The following CSMD1 variants were observed in gnomAD, a reference collection of about 807,000 sequenced individuals.
CSMD1 encodes the protein CUB and sushi domain-containing protein 1.
A neutral mutation model predicts 417.5 loss-of-function variants in CSMD1; 213 were observed. That is an observed-to-expected ratio of 0.51 (90% CI 0.46 to 0.57). CSMD1 has a LOEUF of 0.57. Among genes scored for constraint, CSMD1 ranks in the 20% least tolerant of loss-of-function variants. CSMD1 has a pLI of 0.00. For missense variants in CSMD1, 6,923 were observed against 4,529.7 expected, an observed-to-expected ratio of 1.53 and a Z score of -15.17; for synonymous variants, 2,862 against 1,736.8, an observed-to-expected ratio of 1.65 and a Z score of -16.11.
At chr8:3,103,378 G>A (rs1015666219) in intron 46 of CSMD1, among the ~76,000 whole-genome samples, 1 of 152,116 alleles carries the variant, frequency 6.6e-6, no homozygotes, top group Non-Finnish European at 1.5e-5. Context: ...GGTACAGCCT[G>A]CTACACAATT....
intron 1 of CSMD1, among the ~76,000 whole-genome samples, chr8:4,943,817 A>T (rs1284077855): frequency 6.6e-6 from 1 of 152,208 alleles, no homozygotes; most frequent in African/African-American, 2.4e-5. Flanking sequence ...CGAAGATTTG[A>T]CAGCATCATT....
At chr8:3,140,335 CTCTCTCTCTCTCTG>C (rs1399541656) in intron 41 of CSMD1, among the ~76,000 whole-genome samples, 3 of 118,950 alleles carry the variant, frequency 2.5e-5, no homozygotes, top group East Asian at 2.3e-4. Flanking sequence ...TGTTCTCTCT[CTCTCTCTCTCTCTG>C]TCTCTCTCTC....
At chr8:4,150,983 G>C (rs1459164016) in intron 3 of CSMD1, among the ~76,000 whole-genome samples, 1 of 152,144 alleles carries the variant, frequency 6.6e-6, no homozygotes, top group Non-Finnish European at 1.5e-5. Flanking sequence ...TACAGGACTA[G>C]ACATTATTTT....
intron 5 of CSMD1, among the ~76,000 whole-genome samples, chr8:3,942,726 G>A (rs988112080): frequency 3.9e-5 from 6 of 152,132 alleles, no homozygotes; most frequent in East Asian, 3.9e-4. Flanking sequence ...TATAACATAC[G>A]CTCAAAATAC....
chr8:4,098,814 GTCTCT>G (rs1801156389), intron 3 of CSMD1, among the ~76,000 whole-genome samples: 1 of 152,124 alleles, frequency 6.6e-6, no homozygotes, highest in Non-Finnish European at 1.5e-5. Context: ...ATAAAAAGTT[GTCTCT>G]TCTCATCACT....
At chr8:4,831,212 T>A (rs1403316324) in intron 1 of CSMD1, among the ~76,000 whole-genome samples, 1 of 152,210 alleles carries the variant, frequency 6.6e-6, no homozygotes, top group African/African-American at 2.4e-5. Flanking sequence ...GTCCTTTCAT[T>A]TTCCACACCT....
chr8:4,165,154 C>A lies in CSMD1; in HGVS notation c.416-133055G>T, dbSNP rs143662858. Among the ~76,000 whole-genome samples the A allele has an allele frequency of 1.4e-4, 21 of 152,262 alleles. No individual in the cohort carries two copies. In the East Asian group the frequency reaches 3.9e-3, roughly 28 times the overall value. On this transcript the variant is annotated intron_variant, in intron 3 of 69. Transcript: ENST00000635120. ...ACAGGTATCTATATTTCAGCCTCCA[C>A]TGCTTAATATGATACCTACGCCTAG...
chr8:3,554,073 G>A (rs867290224), intron 10 of CSMD1, among the ~76,000 whole-genome samples: 5 of 152,284 alleles, frequency 3.3e-5, no homozygotes, highest in Middle Eastern at 3.4e-3. Flanking sequence ...GTGTGTGCTC[G>A]TAGCTTATAT....
intron 5 of CSMD1, among the ~76,000 whole-genome samples, chr8:3,793,656 C>G (rs1799875418): frequency 6.6e-6 from 1 of 152,130 alleles, no homozygotes; most frequent in African/African-American, 2.4e-5. Context: ...TGGATGATCT[C>G]TCAGCATTTG....
At chr8:3,421,589 C>A (rs972855606) in intron 12 of CSMD1, among the ~76,000 whole-genome samples, 1 of 152,136 alleles carries the variant, frequency 6.6e-6, no homozygotes, top group East Asian at 1.9e-4. Context: ...ATGTGTTAAA[C>A]CCCAAGATAA....
intron 36 of CSMD1, among the ~76,000 whole-genome samples, chr8:3,181,977 AC>A (rs1472842427): frequency 5.3e-5 from 8 of 152,198 alleles, no homozygotes; most frequent in African/African-American, 1.4e-4. Flanking sequence ...AGTTTAAGTC[AC>A]TTTTTTCCTG....
At position 3,024,658 on chromosome 8, in the gene CSMD1, A is replaced by G. The variant is rs1809718101; in HGVS notation, c.7855+4661T>C. Among the ~76,000 whole-genome samples the G allele has an allele frequency of 2.0e-5, 3 of 152,032 alleles. No homozygotes were observed. In the South Asian group the frequency reaches 6.2e-4, roughly 32 times the overall value. On this transcript the variant is annotated intron_variant, in intron 51 of 69. Coordinates refer to ENST00000635120, the MANE Select transcript of CSMD1 (RefSeq NM_033225.6). ...TTTTTCACTTTCTTTTGGGTGAGTA[A>G]AGTTTTAAAGGTGGTGTAATTCTCA... is the stretch of plus-strand genomic sequence containing the variant.
intron 2 of CSMD1, among the ~76,000 whole-genome samples, chr8:4,564,716 T>C (rs1310236204): frequency 2.0e-5 from 3 of 152,270 alleles, no homozygotes; most frequent in African/African-American, 7.2e-5. Flanking sequence ...ACCCTGATAA[T>C]AGTGAGGGCA....
At chr8:3,490,691 G>T (rs1219089525) in intron 11 of CSMD1, among the ~76,000 whole-genome samples, 1 of 152,092 alleles carries the variant, frequency 6.6e-6, no homozygotes, top group African/African-American at 2.4e-5. Context: ...ATAGCAAATA[G>T]CTGGAGCCAG....
At chr8:4,326,428 G>A (rs1799566808) in intron 3 of CSMD1, among the ~76,000 whole-genome samples, 2 of 152,132 alleles carry the variant, frequency 1.3e-5, no homozygotes, top group South Asian at 2.1e-4. Context: ...AACCAATTAG[G>A]CAGCTACTGA....
intron 46 of CSMD1, among the ~76,000 whole-genome samples, chr8:3,104,360 A>G (rs1162211315): frequency 6.6e-6 from 1 of 152,092 alleles, no homozygotes; most frequent in Non-Finnish European, 1.5e-5. Flanking sequence ...CTTTGCACCC[A>G]ATGCAATCCC....
At chr8:3,890,789 G>C (rs1271039667) in intron 5 of CSMD1, among the ~76,000 whole-genome samples, 1 of 152,072 alleles carries the variant, frequency 6.6e-6, no homozygotes, top group African/African-American at 2.4e-5. Flanking sequence ...TTTGTCCTCA[G>C]ACATTTCCAG....
chr8:3,276,599 T>C (rs1451570002), intron 26 of CSMD1, among the ~76,000 whole-genome samples: 1 of 152,166 alleles, frequency 6.6e-6, no homozygotes, highest in Non-Finnish European at 1.5e-5. Context: ...TACGTGGGAA[T>C]TGTGGGAGCT....
intron 26 of CSMD1, among the ~76,000 whole-genome samples, chr8:3,269,203 G>C (rs1406445550): frequency 1.3e-5 from 2 of 152,224 alleles, no homozygotes; most frequent in East Asian, 3.8e-4. Flanking sequence ...ACGGAAAGCT[G>C]AATGCAGCTG....
Sources: allele counts gnomAD v4.1 joint callset (sites outside exome capture counted in the v4.1 genomes callset), GRCh38; gene constraint gnomAD v4.1.1; transcripts MANE v1.5; gene names NCBI Gene and HGNC (gene_info 2026-07-23, HGNC 2026-07-21).